Variants in MRGPRF observed in about 807,000 individuals in gnomAD.
The protein encoded by MRGPRF is MAS related GPR family member F.
A neutral mutation model predicts 3.3 loss-of-function variants in MRGPRF; 2 were observed. The ratio of observed to expected loss-of-function variants is 0.61; its 90% CI spans 0.25 to 1.92. The LOEUF (loss-of-function observed/expected upper bound fraction) is 1.92, where lower values mean the gene tolerates loss of function less well. Among genes scored for constraint, MRGPRF ranks in the 40% most tolerant of loss-of-function variants. MRGPRF has a pLI of 0.16. For synonymous variants in MRGPRF, 242 were observed against 222.7 expected (o/e 1.09, Z -0.77); for missense variants, 500 against 476.0 (o/e 1.05, Z -0.47).
chr11:69,005,907 G>C lies in MRGPRF; in HGVS notation c.403C>G (p.Pro135Ala), dbSNP rs1472520052. ...GCGCAGCGCTCGGCGCTGACGGCCG[G>C]CAGGAGGCTCACGCCGGTAAGGAAC... ...CMFLTGVSLL[P>A]AVSAERCASV... The change falls in exon 3 of 3, where the codon CCG (proline) becomes GCG (alanine). Residue 135 changes from proline (P) to alanine (A), a missense_variant. Transcript: ENST00000309099. The C allele has an allele frequency of 6.4e-7, 1 of 1,573,708 alleles. No homozygotes were observed. Among genetic ancestry groups the C allele is most frequent in the South Asian group, 1.2e-5 (1 of 86,282 alleles).
At chr11:69,008,904 G>A (rs1860538894) in intron 2 of MRGPRF, among the ~76,000 whole-genome samples, 1 of 152,226 alleles carries the variant, frequency 6.6e-6, no homozygotes, top group African/African-American at 2.4e-5. Flanking sequence ...TGGAGTCAGA[G>A]GGGGAGGCCG....
chr11:69,008,533 A>C (rs1860531966), intron 2 of MRGPRF, among the ~76,000 whole-genome samples: 1 of 152,208 alleles, frequency 6.6e-6, no homozygotes, highest in African/African-American at 2.4e-5. Flanking sequence ...GTCAAGGGGA[A>C]TCTGAAAACA....
Position 69,005,533 on chromosome 11 carries a change from C to A in MRGPRF, c.777G>T (p.Trp259Cys), listed in dbSNP as rs1860456334. ...LVSSIYLGID[W>C]FLFWVFQIPA... ...GGATCTGGAAGACCCAGAAGAGGAA[C>A]CAGTCGATCCCTAAGTAGATGGAGG... is the stretch of plus-strand genomic sequence containing the variant. The change falls in exon 3 of 3, where the codon TGG becomes TGT. Residue 259 changes from tryptophan to cysteine, a missense_variant. Physicochemically the swap from Trp to Cys is radical, Grantham distance 215. Transcript: ENST00000309099. The A allele has an allele frequency of 6.3e-7, 1 of 1,580,394 alleles. No individual in the cohort carries two copies. Among genetic ancestry groups the A allele is most frequent in the African/African-American group, 1.3e-5 (1 of 74,102 alleles).
intron 2 of MRGPRF, chr11:69,009,410 C>T: frequency 2.1e-6 from 1 of 479,532 alleles, no homozygotes; most frequent in East Asian, 3.4e-5. Flanking sequence ...ACTAATGGAC[C>T]CTGGCCTGGG....
In MRGPRF at chr11:69,006,134, A is replaced by G. The variant is rs1427633196; in HGVS notation, c.176T>C (p.Leu59Pro). Residue 59 changes from leucine to proline, a missense_variant, in exon 3 of 3, where the codon CTG becomes CCG. Physicochemically the swap from Leu to Pro is moderately conservative, Grantham distance 98. Coordinates refer to ENST00000309099, the MANE Select transcript of MRGPRF (RefSeq NM_145015.5). The stretch of plus-strand genomic sequence containing the variant: ...CCAGAGGACCAGCCCGTTGCCCACC[A>G]GGCCACACAGGCAGAGGAGCAGGAA... ...YIFLLLCLCG[L>P]VGNGLVLWFF... 17 of 1,613,986 alleles carry G rather than the reference A, an allele frequency of 1.1e-5. No individual in the cohort carries two copies. The highest frequency in any genetic ancestry group is 2.2e-5 in the East Asian group (1 of 44,892).
At chr11:69,011,917 C>G (rs138978319) in intron 1 of MRGPRF, among the ~76,000 whole-genome samples, 5 of 152,364 alleles carry the variant, frequency 3.3e-5, no homozygotes, top group African/African-American at 1.2e-4. Flanking sequence ...CCCCAGCTCC[C>G]CTCTCTACCA....
chr11:69,006,354 C>A, intron 2 of MRGPRF, 93 bp from the exon 3 acceptor site: 1 of 1,372,270 alleles, frequency 7.3e-7, no homozygotes, highest in Admixed American at 2.3e-5. Context: ...GGGGGGGGTC[C>A]CAATTAGGGA....
In MRGPRF at chr11:69,005,494, G is replaced by C. The variant is rs769780377; in HGVS notation, c.816C>G (p.Pro272=). 1.6e-5 allele frequency: 25 copies of C among 1,582,264 alleles called. No individual in the cohort carries two copies. The highest frequency in any genetic ancestry group is 9.1e-5 in the Admixed American group (5 of 55,190). Residue 272 remains proline (P), a synonymous_variant, in exon 3 of 3, where the codon CCC becomes CCG. Transcript: ENST00000309099. ...AGATGCACAGGTCAGTGACGTACTC[G>C]GGGAAGGGGGCCGGGATCTGGAAGA... ...FWVFQIPAPF[P]EYVTDLCICI...
Position 69,012,776 on chromosome 11 carries a change from C to T in MRGPRF, c.-57+307G>A, listed in dbSNP as rs139494433. Among the ~76,000 whole-genome samples, 400 of 152,206 alleles carry T rather than the reference C, an allele frequency of 2.6e-3. 3 individuals are homozygous for T. Among genetic ancestry groups the T allele is most frequent in the Non-Finnish European group, 5.0e-3 (339 of 67,982 alleles). On this transcript the variant is annotated intron_variant, in intron 1 of 2. Coordinates refer to ENST00000309099, the MANE Select transcript of MRGPRF (RefSeq NM_145015.5). The stretch of plus-strand genomic sequence containing the variant: ...ACAGAGCAGGAGCTGGACGGTGGGG[C>T]TGGGGGTGAGGCCAGCTGAGAGGGG...
chr11:69,010,388 A>C (rs1860570615), intron 1 of MRGPRF, among the ~76,000 whole-genome samples: 1 of 152,216 alleles, frequency 6.6e-6, no homozygotes. Context: ...CATTCCTGGC[A>C]GGGGGAACCT....
Position 69,009,853 on chromosome 11 carries a change from C to T in MRGPRF, c.48+1G>A. 6.2e-7 allele frequency: 1 copy of T among 1,608,678 alleles called. No individual in the cohort carries two copies. The highest frequency in any genetic ancestry group is 8.5e-7 in the Non-Finnish European group (1 of 1,178,904). ...CAGGGCCCTCCGCCTGTGGCACTTA[C>T]CTTGTTCCTGTTGCCGGGATGGGCC... On this transcript the variant is annotated splice_donor_variant, in intron 2 of 2. Transcript: ENST00000309099. LOFTEE classifies it high-confidence loss of function.
At position 69,005,566 on chromosome 11, in the gene MRGPRF, G is replaced by C; in HGVS notation, c.744C>G (p.Phe248Leu). The C allele has an allele frequency of 6.3e-7, 1 of 1,585,732 alleles. No individual in the cohort carries two copies. The highest frequency in any genetic ancestry group is 1.3e-5 in the African/African-American group (1 of 74,312). Reference protein sequence around the residue: ...NHVILAMVSVFLVSSIYLGID... With the variant: ...NHVILAMVSVLLVSSIYLGID... Reference sequence around the variant, plus strand: ...TCCCTAAGTAGATGGAGGACACCAGGAAGACGGAGACCATGGCCAGGATGA... The same window carrying C: ...TCCCTAAGTAGATGGAGGACACCAGCAAGACGGAGACCATGGCCAGGATGA... The change falls in exon 3 of 3, where the codon TTC becomes TTG. Residue 248 changes from phenylalanine to leucine, a missense_variant. By Grantham distance (22) the Phe-to-Leu change is conservative (BLOSUM62 0). Coordinates refer to ENST00000309099, the MANE Select transcript of MRGPRF (RefSeq NM_145015.5).
chr11:69,012,221 A>T (rs2154013047), intron 1 of MRGPRF: 1 of 152,444 alleles, frequency 6.6e-6, no homozygotes, highest in African/African-American at 2.4e-5. Context: ...GAGCAAGCCC[A>T]AGGGTGGCCT....
chr11:69,008,945 C>G lies in MRGPRF; in HGVS notation c.48+909G>C, dbSNP rs528525759. Among the ~76,000 whole-genome samples, 21 of 152,328 alleles carry G rather than the reference C, an allele frequency of 1.4e-4. No individual in the cohort carries two copies. The East Asian group carries it at 4.0e-3, about 29-fold the overall frequency. ...GTCACTGGGCGTGTAGCTGCCGTGA[C>G]CAGCCGCATACTGCCTTGTAGAATG... On this transcript the variant is annotated intron_variant, in intron 2 of 2. Coordinates refer to ENST00000309099, the MANE Select transcript of MRGPRF (RefSeq NM_145015.5).
At chr11:69,007,206 A>C (rs143566604) in intron 2 of MRGPRF, among the ~76,000 whole-genome samples, 3 of 152,160 alleles carry the variant, frequency 2.0e-5, no homozygotes, top group Admixed American at 2.0e-4. Context: ...TCTGCAATTT[A>C]CTTTTGTTTG....
intron 1 of MRGPRF, among the ~76,000 whole-genome samples, chr11:69,012,819 A>AG (rs1432586400): frequency 6.6e-6 from 1 of 151,972 alleles, no homozygotes; most frequent in African/African-American, 2.4e-5. Context: ...CTGCCACGGG[A>AG]GGGGGACTTT....
At position 69,007,715 on chromosome 11, in the gene MRGPRF, A is replaced by T. The variant is rs1331941478; in HGVS notation, c.49-1454T>A. 2.6e-5 allele frequency among the ~76,000 whole-genome samples: 4 copies of T among 152,312 alleles called. No individual in the cohort carries two copies. The East Asian group carries it at 7.7e-4, about 29-fold the overall frequency. ...CACTTGTAAGTTACATTTAAAAAAA[A>T]ACAACGAGTGGATCTCGGCCTTCCC... is the stretch of plus-strand genomic sequence containing the variant. On this transcript the variant is annotated intron_variant, in intron 2 of 2. Coordinates refer to ENST00000309099, the MANE Select transcript of MRGPRF (RefSeq NM_145015.5).
At chr11:69,012,668 C>T (rs1023550047) in intron 1 of MRGPRF, 8 of 152,326 alleles carry the variant, frequency 5.3e-5, no homozygotes, top group Admixed American at 1.3e-4. Flanking sequence ...CTGGGTGTTC[C>T]GTTCCAGCCC....
In MRGPRF at chr11:69,006,019, C is replaced by G. The variant is rs1454275178; in HGVS notation, c.291G>C (p.Ala97=). 1 of 1,571,802 alleles carries G rather than the reference C, an allele frequency of 6.4e-7. No homozygotes were observed. Among genetic ancestry groups the G allele is most frequent in the Non-Finnish European group, 8.6e-7 (1 of 1,158,148 alleles). The change falls in exon 3 of 3, where the codon GCG becomes GCC. Residue 97 remains alanine (A), a synonymous_variant. Transcript: ENST00000309099. Reference sequence around the variant, plus strand: ...CCCCCGTGTTCAGGATGGAGAACACCGCCTTGCTGAAGAGGTAGCCCACAT... The same window carrying G: ...CCCCCGTGTTCAGGATGGAGAACACGGCCTTGCTGAAGAGGTAGCCCACAT... The part of the protein sequence containing the change: ...SADVGYLFSK[A]VFSILNTGGF...
Sources: gnomAD v4.1 joint callset for allele counts (sites outside exome capture counted in the v4.1 genomes callset) on GRCh38, gnomAD v4.1.1 for gene constraint, MANE v1.5 for transcripts, NCBI Gene and HGNC (gene_info 2026-07-23, HGNC 2026-07-21) for gene names.